The following ERMAP variants were observed in gnomAD, a reference collection of about 807,000 sequenced individuals.
ERMAP encodes erythroblast membrane associated protein (Scianna blood group).
In ERMAP, 34 loss-of-function variants were observed where a neutral mutation model predicts 49.5. The ratio of observed to expected loss-of-function variants is 0.69; its 90% confidence interval spans 0.52 to 0.91. The LOEUF is 0.91. Ranked by LOEUF, ERMAP falls within the 40% of genes least tolerant of loss-of-function variation. The pLI, the probability that ERMAP is intolerant of heterozygous loss-of-function variation, is 0.00. For missense variants in ERMAP, 541 were observed against 582.6 expected (o/e 0.93, Z 0.74); for synonymous variants, 214 against 232.2 (o/e 0.92, Z 0.71).
intron 2 of ERMAP, among the ~76,000 whole-genome samples, chr1:42,828,193 C>T (rs775453846): frequency 1.3e-5 from 2 of 151,388 alleles, no homozygotes; most frequent in South Asian, 2.1e-4. Flanking sequence ...ATGGTTCTTA[C>T]ATCTGTGTAA....
At chr1:42,842,456 C>T in intron 11 of ERMAP, 61 bp from the exon 12 acceptor site, 2 of 1,463,252 alleles carry the variant, frequency 1.4e-6, no homozygotes, top group East Asian at 4.6e-5. Flanking sequence ...CCCTCCAAAG[C>T]CATCCCCAAA....
rs1353095721 is a variant in ERMAP, at chr1:42,843,187, T to C, written c.1383T>C (p.Pro461=). 2.5e-6 allele frequency: 4 copies of C among 1,609,856 alleles called. No homozygotes were observed. In the South Asian group the frequency reaches 4.4e-5, roughly 18 times the overall value. Residue 461 remains proline (P), a synonymous_variant, in exon 12 of 12, where the codon CCT becomes CCC. Transcript: ENST00000372517. ...ELKDIILSLP[P]DLGPALQELK... ...AGGATATAATCCTGTCCTTGCCCCC[T>C]GACCTTGGCCCAGCCCTTCAGGAGC...
rs150122881 is a variant in ERMAP at position 42,830,820 on chromosome 1, C to T, written c.138C>T (p.Ala46=). 1.9e-4 allele frequency: 306 copies of T among 1,586,114 alleles called. 1 individual carries two copies. The African/African-American group carries it at 3.0e-3, about 15-fold the overall frequency. The change falls in exon 4 of 12, where the codon GCC becomes GCT. Residue 46 remains alanine (A), a synonymous_variant. Transcript: ENST00000372517. ...ACGTGGCCCTACTAGGGGGCACAGC[C>T]GAGCTGCTCTGCCCTCTCTCCCTCT... is the stretch of plus-strand genomic sequence containing the variant. The part of the protein sequence containing the change: ...KFHVALLGGT[A]ELLCPLSLWP...
At position 42,819,935 on chromosome 1, in the gene ERMAP, GT is replaced by G. The variant is rs534559969; in HGVS notation, c.-122+2687del. 3.4e-4 allele frequency among the ~76,000 whole-genome samples: 51 copies of G among 152,158 alleles called. No individual in the cohort carries two copies. Among genetic ancestry groups the G allele is most frequent in the Non-Finnish European group, 5.9e-4 (40 of 67,988 alleles). ...AAATCCCCTGCTCTCTGGATCTTATGTTTTTCCATTCTTGGTTTATTCTCTC... is the reference window on the plus strand; with the variant it reads ...AAATCCCCTGCTCTCTGGATCTTATGTTTTCCATTCTTGGTTTATTCTCTC... On this transcript the variant is annotated intron_variant, in intron 1 of 11. Coordinates refer to ENST00000372517, the MANE Select transcript of ERMAP (RefSeq NM_001017922.2). This position sits in a 1 kb window ranked among gnomAD's most constrained non-coding sequence, Gnocchi z 5.1.
chr1:42,841,126 A>C (rs1014153903), intron 11 of ERMAP, among the ~76,000 whole-genome samples: 4 of 152,130 alleles, frequency 2.6e-5, no homozygotes, highest in Admixed American at 6.5e-5. Flanking sequence ...TCCTTCAGGC[A>C]GAGTACAACA....
Position 42,820,128 on chromosome 1 carries a change from T to C in ERMAP, c.-122+2875T>C, listed in dbSNP as rs145141022. Among the ~76,000 whole-genome samples, 72 of 152,158 alleles carry C rather than the reference T, an allele frequency of 4.7e-4. 1 individual carries two copies. In the East Asian group the frequency reaches 0.013, roughly 28 times the overall value. On this transcript the variant is annotated intron_variant, in intron 1 of 11. Coordinates refer to ENST00000372517, the MANE Select transcript of ERMAP (RefSeq NM_001017922.2). ...CAGAAGTTTAACGGCATTGATTCAT[T>C]GTCATCTAGCTTCTCATGTGGCTAC...
At chr1:42,821,274 T>C (rs1557603532) in intron 1 of ERMAP, among the ~76,000 whole-genome samples, 1 of 152,220 alleles carries the variant, frequency 6.6e-6, no homozygotes, top group Non-Finnish European at 1.5e-5. Context: ...AGATAAGCAT[T>C]TGTGTTCAAT....
intron 4 of ERMAP, among the ~76,000 whole-genome samples, chr1:42,832,367 T>C (rs931340845): frequency 8.6e-5 from 13 of 151,546 alleles, no homozygotes; most frequent in Non-Finnish European, 1.5e-4. Context: ...AATTTTTTTT[T>C]CTTTTTTCTT....
At chr1:42,823,648 G>T (rs553781372) in intron 1 of ERMAP, among the ~76,000 whole-genome samples, 114 of 152,226 alleles carry the variant, frequency 7.5e-4, no homozygotes, top group African/African-American at 2.6e-3. Flanking sequence ...TGAGTCAAGC[G>T]ATTACTTCAG....
chr1:42,835,667 G>A, intron 5 of ERMAP, 65 bp from the exon 6 acceptor site: 1 of 1,601,378 alleles, frequency 6.2e-7, no homozygotes, highest in East Asian at 2.2e-5. Context: ...GGGCATCTTG[G>A]GACACTTGTG....
At position 42,842,549 on chromosome 1, in the gene ERMAP, C is replaced by T. The variant is rs1655086779; in HGVS notation, c.745C>T (p.Pro249Ser). 1 of 1,614,052 alleles carries T rather than the reference C, an allele frequency of 6.2e-7. No individual in the cohort carries two copies. Among genetic ancestry groups the T allele is most frequent in the Admixed American group, 1.7e-5 (1 of 60,018 alleles). Residue 249 changes from proline (P) to serine (S), a missense_variant, in exon 12 of 12, where the codon CCC becomes TCC. By Grantham distance (74) the Pro-to-Ser change is moderately conservative. Coordinates refer to ENST00000372517, the MANE Select transcript of ERMAP (RefSeq NM_001017922.2). Reference protein sequence around the residue: ...AVTLDPDTAHPKLILSEDQRC... With the variant: ...AVTLDPDTAHSKLILSEDQRC... ...GACCCTGGACCCAGACACAGCACATCCCAAACTCATCCTTTCTGAGGACCA... is the reference window on the plus strand; with the variant it reads ...GACCCTGGACCCAGACACAGCACATTCCAAACTCATCCTTTCTGAGGACCA...
At chr1:42,838,846 A>AT in intron 7 of ERMAP, 55 bp from the exon 8 acceptor site, 1 of 1,610,164 alleles carries the variant, frequency 6.2e-7, no homozygotes, top group Non-Finnish European at 8.5e-7. Context: ...CACAGCTCTG[A>AT]GGAAAAAGAG....
chr1:42,824,806 G>A (rs1190576980), intron 1 of ERMAP: 2 of 152,202 alleles, frequency 1.3e-5, no homozygotes, highest in Admixed American at 1.3e-4. Context: ...TTATGTCTCC[G>A]AGGTGTTAGC....
Position 42,843,500 on chromosome 1 carries a change from G to A in ERMAP, c.*268G>A, listed in dbSNP as rs567003774. 16 of 355,216 alleles carry A rather than the reference G, an allele frequency of 4.5e-5. No individual in the cohort carries two copies. The South Asian group carries it at 1.2e-3, about 26-fold the overall frequency. The allele number at this position is 355,216 out of a possible 1,614,324, so 22.0% of individuals were successfully genotyped here. On this transcript the variant is annotated 3_prime_UTR_variant, in exon 12 of 12. Coordinates refer to ENST00000372517, the MANE Select transcript of ERMAP (RefSeq NM_001017922.2). ...GTGCAGGTGGAGATGTTGAATATGTGTTACCAAGATACAGCACAGGTTCAG... is the reference window on the plus strand; with the variant it reads ...GTGCAGGTGGAGATGTTGAATATGTATTACCAAGATACAGCACAGGTTCAG...
rs145113385 is a variant in ERMAP at position 42,819,170 on chromosome 1, C to CGTGTGT, written c.-122+1949_-122+1954dup. Among the ~76,000 whole-genome samples, 11,447 of 142,402 alleles carry CGTGTGT rather than the reference C, an allele frequency of 0.08. 511 individuals carry two copies. The highest frequency in any genetic ancestry group is 0.16 in the East Asian group (796 of 4,942). 93.4% of individuals were successfully genotyped at this position (142,402 alleles called of 152,430 possible). On this transcript the variant is annotated intron_variant, in intron 1 of 11. Coordinates refer to ENST00000372517, the MANE Select transcript of ERMAP (RefSeq NM_001017922.2). This position sits in a 1 kb window ranked among gnomAD's most constrained non-coding sequence, Gnocchi z 5.1. ...GGTGAGGAAGAGGATAAGTTAGGAGCGTGTGTGTGTGTGTGTGTGTGTGTG... is the reference window on the plus strand; with the variant it reads ...GGTGAGGAAGAGGATAAGTTAGGAGCGTGTGTGTGTGTGTGTGTGTGTGTGTGTGTG...
chr1:42,830,925 G>T lies in ERMAP; in HGVS notation c.243G>T (p.Arg81=). The change falls in exon 4 of 12, where the codon CGG becomes CGT. Residue 81 remains arginine (R), a synonymous_variant. Coordinates refer to ENST00000372517, the MANE Select transcript of ERMAP (RefSeq NM_001017922.2). ...GCTCCCAGGCTGTTCACATATTCCG[G>T]GATGGGAAGGACCAGGATGAAGATC... ...PQRSQAVHIF[R]DGKDQDEDLM... The T allele has an allele frequency of 1.2e-6, 2 of 1,614,212 alleles. No homozygotes were observed. The highest frequency in any genetic ancestry group is 1.6e-4 in the Middle Eastern group (1 of 6,062).
At chr1:42,838,701 G>A (rs1557613134) in intron 7 of ERMAP, among the ~76,000 whole-genome samples, 200 bp from the exon 8 acceptor site, 1 of 152,146 alleles carries the variant, frequency 6.6e-6, no homozygotes, top group Admixed American at 6.5e-5. Flanking sequence ...CAAAGTCCCG[G>A]GCAGGCTGGG....
chr1:42,822,938 T>C (rs1410206994), intron 1 of ERMAP, among the ~76,000 whole-genome samples: 1 of 152,224 alleles, frequency 6.6e-6, no homozygotes, highest in Non-Finnish European at 1.5e-5. Flanking sequence ...CATGTCACTT[T>C]GAATGATGGG....
intron 1 of ERMAP, 65 bp downstream of exon 1, chr1:42,817,318 C>A: frequency 2.7e-6 from 3 of 1,129,040 alleles, no homozygotes; most frequent in African/African-American, 3.4e-5. Context: ...TCGTCCTGGG[C>A]GGGGCCGCGC....
Sources: allele counts gnomAD v4.1 joint callset (sites outside exome capture counted in the v4.1 genomes callset), GRCh38; gene constraint gnomAD v4.1.1; non-coding constraint Gnocchi (gnomAD v3.1); transcripts MANE v1.5; gene names NCBI Gene and HGNC (gene_info 2026-07-23, HGNC 2026-07-21).